DIAPH3: variants seen among roughly 807,000 people sequenced by gnomAD.
DIAPH3 encodes protein diaphanous homolog 3.
DIAPH3 carries 117 observed loss-of-function variants against 144.3 expected under a neutral mutation model. The ratio of observed to expected loss-of-function variants is 0.81; its 90% CI spans 0.70 to 0.95. DIAPH3 has a LOEUF of 0.95. Ranked by LOEUF, DIAPH3 falls within the 40% of genes least tolerant of loss-of-function variation. The pLI is 0.00. For synonymous variants in DIAPH3, 519 were observed against 488.9 expected (o/e 1.06, Z -0.81); for missense variants, 1,421 against 1,412.7 (o/e 1.01, Z -0.09).
chr13:59,765,293 A>T (rs1452663499), intron 27 of DIAPH3, among the ~76,000 whole-genome samples: 1 of 152,204 alleles, frequency 6.6e-6, no homozygotes, highest in Non-Finnish European at 1.5e-5. Flanking sequence ...GATTTGCAAT[A>T]ACTTTCTATT....
In DIAPH3 at chr13:60,114,227, A is replaced by G. The variant is rs115873388; in HGVS notation, c.214-2041T>C. On this transcript the variant is annotated intron_variant, in intron 2 of 27. Coordinates refer to ENST00000400324, the MANE Select transcript of DIAPH3 (RefSeq NM_001042517.2). ...TGAAACGATATAATGAAGAGTGGAC[A>G]TTACACATGAGATGAATAATTTCAG... Among the ~76,000 whole-genome samples the G allele has an allele frequency of 5.8e-3, 880 of 151,808 alleles. 8 individuals carry two copies. Among genetic ancestry groups the G allele is most frequent in the African/African-American group, 0.02 (829 of 41,366 alleles).
intron 4 of DIAPH3, among the ~76,000 whole-genome samples, chr13:60,089,951 A>T (rs1001923281): frequency 6.6e-6 from 1 of 152,152 alleles, no homozygotes; most frequent in Non-Finnish European, 1.5e-5. Context: ...GCAAAGAAAA[A>T]ACCCGGAGTA....
At chr13:60,003,144 C>T (rs1205505070) in intron 9 of DIAPH3, among the ~76,000 whole-genome samples, 1 of 152,142 alleles carries the variant, frequency 6.6e-6, no homozygotes, top group African/African-American at 2.4e-5. Context: ...GTCACAAGTG[C>T]TGACCACAGC....
chr13:59,713,627 G>GGGGAGCTGTTA (rs1555278629), intron 27 of DIAPH3, among the ~76,000 whole-genome samples: 3 of 11,576 alleles, frequency 2.6e-4, no homozygotes, highest in Admixed American at 1.1e-3. Flanking sequence ...ATTTGAGGAA[G>GGGGAGCTGTTA]GGGAGCTATT....
chr13:59,812,350 C>T (rs1316066199), intron 24 of DIAPH3, among the ~76,000 whole-genome samples: 2 of 151,344 alleles, frequency 1.3e-5, no homozygotes, highest in Non-Finnish European at 2.9e-5. Context: ...TTAATACTTA[C>T]TCTGGGACTA....
intron 14 of DIAPH3, among the ~76,000 whole-genome samples, chr13:59,977,218 A>G (rs1374302501): frequency 6.6e-6 from 1 of 151,834 alleles, no homozygotes; most frequent in Non-Finnish European, 1.5e-5. Context: ...TAAAAATACC[A>G]GCAATAAAGA....
At chr13:60,076,735 T>G (rs1249050459) in intron 4 of DIAPH3, among the ~76,000 whole-genome samples, 1 of 152,200 alleles carries the variant, frequency 6.6e-6, no homozygotes, top group East Asian at 1.9e-4. Flanking sequence ...TGTTGTATTT[T>G]AAATACCTTT....
At chr13:59,705,710 A>C (rs899171143) in intron 27 of DIAPH3, among the ~76,000 whole-genome samples, 8 of 152,200 alleles carry the variant, frequency 5.3e-5, no homozygotes, top group Non-Finnish European at 7.3e-5. Flanking sequence ...CAAAGTATAC[A>C]ATACACACTG....
At chr13:59,748,000 C>T (rs1433141615) in intron 27 of DIAPH3, among the ~76,000 whole-genome samples, 1 of 152,124 alleles carries the variant, frequency 6.6e-6, no homozygotes, top group African/African-American at 2.4e-5. Flanking sequence ...GCATGCTGCA[C>T]CACTAAAAGC....
chr13:60,127,981 T>C (rs539988807), intron 2 of DIAPH3, among the ~76,000 whole-genome samples: 29 of 152,290 alleles, frequency 1.9e-4, no homozygotes, highest in African/African-American at 6.5e-4. Flanking sequence ...CATAGGTTTG[T>C]TGTACAGATT....
intron 27 of DIAPH3, among the ~76,000 whole-genome samples, chr13:59,757,181 C>T (rs1397683574): frequency 1.3e-5 from 2 of 151,984 alleles, no homozygotes; most frequent in East Asian, 1.9e-4. Flanking sequence ...ATTAGATGAA[C>T]GGACATGTCC....
intron 21 of DIAPH3, among the ~76,000 whole-genome samples, chr13:59,862,989 T>G (rs1365076841): frequency 1.3e-5 from 2 of 152,154 alleles, no homozygotes; most frequent in Non-Finnish European, 2.9e-5. Context: ...CTCCCAAAGC[T>G]AATTAGTTGA....
intron 17 of DIAPH3, among the ~76,000 whole-genome samples, chr13:59,963,264 A>C (rs2049861855): frequency 6.6e-6 from 1 of 152,196 alleles, no homozygotes; most frequent in African/African-American, 2.4e-5. Flanking sequence ...TTTAACCTTG[A>C]GGGACAAGAA....
In DIAPH3 at chr13:59,901,396, T is replaced by C. The variant is rs547570423; in HGVS notation, c.2367+10339A>G. 2.6e-5 allele frequency among the ~76,000 whole-genome samples: 4 copies of C among 152,302 alleles called. No homozygotes were observed. In the South Asian group the frequency reaches 8.3e-4, roughly 32 times the overall value. On this transcript the variant is annotated intron_variant, in intron 20 of 27. Coordinates refer to ENST00000400324, the MANE Select transcript of DIAPH3 (RefSeq NM_001042517.2). ...TTTGTGGTCTCTTCTGTCTATAACA[T>C]GCTTCCTTGAGATATCCACACCTCT...
chr13:60,010,594 T>A lies in DIAPH3; in HGVS notation c.847A>T (p.Asn283Tyr). ...LAKAVDPRHPNMMTDVVKLLS... is the reference protein window; with the variant it reads ...LAKAVDPRHPYMMTDVVKLLS... Reference sequence around the variant, plus strand: ...AGTTTAACCACATCTGTCATCATATTGGGGTGTCTGGGATCCACGGCTTTG... The same window carrying A: ...AGTTTAACCACATCTGTCATCATATAGGGGTGTCTGGGATCCACGGCTTTG... The change falls in exon 8 of 28, where the codon AAT becomes TAT. Residue 283 changes from asparagine to tyrosine, a missense_variant. Coordinates refer to ENST00000400324, the MANE Select transcript of DIAPH3 (RefSeq NM_001042517.2). 1 of 1,613,660 alleles carries A rather than the reference T, an allele frequency of 6.2e-7. No individual in the cohort carries two copies. Among genetic ancestry groups the A allele is most frequent in the Non-Finnish European group, 8.5e-7 (1 of 1,179,766 alleles).
intron 27 of DIAPH3, among the ~76,000 whole-genome samples, chr13:59,743,672 C>T (rs2036571132): frequency 6.6e-6 from 1 of 152,120 alleles, no homozygotes; most frequent in South Asian, 2.1e-4. Context: ...TCTCTTCTAG[C>T]CCTTTTGATT....
rs1168158722 is a variant in DIAPH3 at position 59,944,797 on chromosome 13, G to GGC, written c.2075-19928_2075-19927insGC. ...CTTTTCTGTGTGTTAGAAAAAAAGG[G>GGC]GGGGGGCTATTATCCTTTATACCTC... On this transcript the variant is annotated intron_variant, in intron 17 of 27. Coordinates refer to ENST00000400324, the MANE Select transcript of DIAPH3 (RefSeq NM_001042517.2). 2.7e-5 allele frequency among the ~76,000 whole-genome samples: 4 copies of GGC among 150,112 alleles called. No homozygotes were observed. The South Asian group carries it at 6.6e-4, about 25-fold the overall frequency.
At chr13:59,881,841 G>T in intron 20 of DIAPH3, among the ~76,000 whole-genome samples, 1 of 151,904 alleles carries the variant, frequency 6.6e-6, no homozygotes, top group East Asian at 1.9e-4. Flanking sequence ...TTTTCCTATT[G>T]TTCTTTCTTC....
chr13:59,956,182 A>T (rs1466411228), intron 17 of DIAPH3, among the ~76,000 whole-genome samples: 1 of 152,246 alleles, frequency 6.6e-6, no homozygotes, highest in African/African-American at 2.4e-5. Flanking sequence ...AGAAATTTGC[A>T]TAAGTAATGA....
Sources: gnomAD v4.1 joint callset for allele counts (sites outside exome capture counted in the v4.1 genomes callset) on GRCh38, gnomAD v4.1.1 for gene constraint, MANE v1.5 for transcripts, NCBI Gene and HGNC (gene_info 2026-07-23, HGNC 2026-07-21) for gene names.